ST3GAL4: variants seen among roughly 807,000 people sequenced by gnomAD.
ST3GAL4 encodes CMP-N-acetylneuraminate-beta-galactosamide-alpha-2,3-sialyltransferase 4.
ST3GAL4 carries 24 observed loss-of-function variants against 42.6 expected under a neutral mutation model. The observed-to-expected ratio is 0.56, with a 90% CI of 0.41 to 0.79. The LOEUF (loss-of-function observed/expected upper bound fraction) is 0.79, where lower values mean the gene tolerates loss of function less well. Among genes scored for constraint, ST3GAL4 ranks in the 30% least tolerant of loss-of-function variants. The pLI is 0.00. For missense variants in ST3GAL4, 311 were observed against 430.8 expected (o/e 0.72, Z 2.46); for synonymous variants, 135 against 163.2 (o/e 0.83, Z 1.32).
At chr11:126,395,623 GTGT>G (rs1395124094) in intron 1 of ST3GAL4, among the ~76,000 whole-genome samples, 1 of 152,132 alleles carries the variant, frequency 6.6e-6, no homozygotes, top group African/African-American at 2.4e-5. Flanking sequence ...AATCATGGTG[GTGT>G]TCTCCCCCAA....
chr11:126,375,354 C>T (rs920997664), intron 1 of ST3GAL4, among the ~76,000 whole-genome samples: 3 of 152,134 alleles, frequency 2.0e-5, no homozygotes, highest in Non-Finnish European at 2.9e-5. Context: ...GCGGAGCCTT[C>T]GAAGGACTTG....
intron 1 of ST3GAL4, among the ~76,000 whole-genome samples, chr11:126,399,014 C>T (rs1336621366): frequency 6.6e-6 from 1 of 152,198 alleles, no homozygotes; most frequent in Non-Finnish European, 1.5e-5. Context: ...CACAGGTCAT[C>T]TCTGCAGTAC....
At position 126,391,707 on chromosome 11, in the gene ST3GAL4, G is replaced by A. The variant is rs12225592; in HGVS notation, c.-60-14389G>A. Reference sequence around the variant, plus strand: ...ACCCAGCAGCCAGGAGGAGAGCTGAGTGTGATTGGGGTCGTGGTGGGGCCA... The same window carrying A: ...ACCCAGCAGCCAGGAGGAGAGCTGAATGTGATTGGGGTCGTGGTGGGGCCA... On this transcript the variant is annotated intron_variant, in intron 1 of 10. Transcript: ENST00000444328. The surrounding 1 kb of genome is among the most constrained non-coding windows in gnomAD (Gnocchi z 5.5). Among the ~76,000 whole-genome samples the A allele has an allele frequency of 0.12, 18,374 of 152,168 alleles. 1,616 individuals carry two copies. Among genetic ancestry groups the A allele is most frequent in the East Asian group, 0.45 (2,332 of 5,136 alleles).
rs1345402206 is a variant in ST3GAL4, at chr11:126,383,612, C to T, written c.-60-22484C>T. Among the ~76,000 whole-genome samples, 2 of 152,076 alleles carry T rather than the reference C, an allele frequency of 1.3e-5. No homozygotes were observed. Among genetic ancestry groups the T allele is most frequent in the African/African-American group, 2.4e-5 (1 of 41,392 alleles). ...AGGTGTGTGTGTGTGACCAAGCTTG[C>T]GGGCGCCTGAGTATGGACTAGTGTG... On this transcript the variant is annotated intron_variant, in intron 1 of 10. Transcript: ENST00000444328. This position sits in a 1 kb window ranked among gnomAD's most constrained non-coding sequence, Gnocchi z 4.5.
chr11:126,357,908 G>A (rs1043692491), intron 1 of ST3GAL4, among the ~76,000 whole-genome samples: 3 of 152,244 alleles, frequency 2.0e-5, no homozygotes, highest in Non-Finnish European at 4.4e-5. Flanking sequence ...TTGGAGGGAA[G>A]GGATCCCTCT....
chr11:126,377,235 A>G (rs984839861), intron 1 of ST3GAL4, among the ~76,000 whole-genome samples: 1 of 150,972 alleles, frequency 6.6e-6, no homozygotes, highest in Admixed American at 6.6e-5. Flanking sequence ...TAGTGGCGCA[A>G]TCTCAGCTCA....
In ST3GAL4 at chr11:126,383,821, AG is replaced by A. The variant is rs1953106004; in HGVS notation, c.-60-22272del. On this transcript the variant is annotated intron_variant, in intron 1 of 10. Transcript: ENST00000444328. The surrounding 1 kb of genome is among the most constrained non-coding windows in gnomAD (Gnocchi z 4.5). Reference sequence around the variant, plus strand: ...AGAGCCTGGGCCCTGGACACCTAGAAGGGCCCCTCCTCCCCTCGTCTTCCCT... The same window carrying A: ...AGAGCCTGGGCCCTGGACACCTAGAAGGCCCCTCCTCCCCTCGTCTTCCCT... 6.6e-6 allele frequency among the ~76,000 whole-genome samples: 1 copy of A among 152,144 alleles called. No homozygotes were observed. The highest frequency in any genetic ancestry group is 1.5e-5 in the Non-Finnish European group (1 of 68,008).
In ST3GAL4 at chr11:126,414,077, C is replaced by T. The variant is rs777371763; in HGVS notation, c.*30C>T. The T allele has an allele frequency of 1.2e-6, 2 of 1,610,946 alleles. No homozygotes were observed. The highest frequency in any genetic ancestry group is 1.7e-6 in the Non-Finnish European group (2 of 1,177,082). On this transcript the variant is annotated 3_prime_UTR_variant, in exon 11 of 11. Coordinates refer to ENST00000444328, the MANE Select transcript of ST3GAL4 (RefSeq NM_001254757.2). ...GGCAAGAGCTGTAGCCTGTCGGTTG[C>T]CTACTCTGCTGTCTGGGTGACCCCC...
chr11:126,390,017 C>CAAAAAAACAAAAAAAAAA (rs1953419624), intron 1 of ST3GAL4, among the ~76,000 whole-genome samples: 1 of 114,636 alleles, frequency 8.7e-6, no homozygotes, highest in Non-Finnish European at 1.7e-5. Context: ...GCTAAAAATA[C>CAAAAAAACAAAAAAAAAA]AAAAAAAAAA....
chr11:126,404,753 G>A lies in ST3GAL4; in HGVS notation c.-60-1343G>A, dbSNP rs967496336. Among the ~76,000 whole-genome samples, 6 of 152,238 alleles carry A rather than the reference G, an allele frequency of 3.9e-5. 1 individual carries two copies. The highest frequency in any genetic ancestry group is 1.5e-5 in the Non-Finnish European group (1 of 68,040). On this transcript the variant is annotated intron_variant, in intron 1 of 10. Transcript: ENST00000444328. ...GGGATGGTGCTTCTGACTCTCCTGAGGCAGTCTGACCCTGGTCCCTGCCTG... is the reference window on the plus strand; with the variant it reads ...GGGATGGTGCTTCTGACTCTCCTGAAGCAGTCTGACCCTGGTCCCTGCCTG...
chr11:126,392,574 C>T lies in ST3GAL4; in HGVS notation c.-60-13522C>T, dbSNP rs1953559867. Among the ~76,000 whole-genome samples, 1 of 152,240 alleles carries T rather than the reference C, an allele frequency of 6.6e-6. No individual in the cohort carries two copies. The highest frequency in any genetic ancestry group is 2.4e-5 in the African/African-American group (1 of 41,464). ...CCTGGCTTGTTTTAACTTGATGCAA[C>T]TTGCTGCTCACAGTCATCTTATTGT... On this transcript the variant is annotated intron_variant, in intron 1 of 10. Coordinates refer to ENST00000444328, the MANE Select transcript of ST3GAL4 (RefSeq NM_001254757.2). This position sits in a 1 kb window ranked among gnomAD's most constrained non-coding sequence, Gnocchi z 5.8.
chr11:126,376,448 ATTACAAAATTGCTT>A lies in ST3GAL4; in HGVS notation c.-61+20608_-61+20621del, dbSNP rs1952836125. Among the ~76,000 whole-genome samples, 1 of 152,348 alleles carries A rather than the reference ATTACAAAATTGCTT, an allele frequency of 6.6e-6. No homozygotes were observed. The highest frequency in any genetic ancestry group is 2.4e-5 in the African/African-American group (1 of 41,580). ...AATTTATTTGATTTAATTGGTTGCAATTACAAAATTGCTTTGTTTGGTTTACCTTGTTGGAAGTT... is the reference window on the plus strand; with the variant it reads ...AATTTATTTGATTTAATTGGTTGCAATGTTTGGTTTACCTTGTTGGAAGTT... On this transcript the variant is annotated intron_variant, in intron 1 of 10. Transcript: ENST00000444328. This position sits in a 1 kb window ranked among gnomAD's most constrained non-coding sequence, Gnocchi z 5.1.
rs1953213944 is a variant in ST3GAL4, at chr11:126,386,053, A to G, written c.-60-20043A>G. On this transcript the variant is annotated intron_variant, in intron 1 of 10. Coordinates refer to ENST00000444328, the MANE Select transcript of ST3GAL4 (RefSeq NM_001254757.2). The surrounding 1 kb of genome is among the most constrained non-coding windows in gnomAD (Gnocchi z 4.7). ...TGTGCCTTGCACCCAGCCAGCTCAG[A>G]GTCTTGGGCACTTCTCTCAGTCTGG... Among the ~76,000 whole-genome samples the G allele has an allele frequency of 6.6e-6, 1 of 152,008 alleles. No individual in the cohort carries two copies. The highest frequency in any genetic ancestry group is 1.5e-5 in the Non-Finnish European group (1 of 67,984).
chr11:126,393,824 C>T lies in ST3GAL4; in HGVS notation c.-60-12272C>T, dbSNP rs759086188. Among the ~76,000 whole-genome samples, 8 of 152,164 alleles carry T rather than the reference C, an allele frequency of 5.3e-5. No individual in the cohort carries two copies. Among genetic ancestry groups the T allele is most frequent in the Admixed American group, 6.5e-5 (1 of 15,286 alleles). On this transcript the variant is annotated intron_variant, in intron 1 of 10. Coordinates refer to ENST00000444328, the MANE Select transcript of ST3GAL4 (RefSeq NM_001254757.2). The surrounding 1 kb of genome is among the most constrained non-coding windows in gnomAD (Gnocchi z 5.9). Reference sequence around the variant, plus strand: ...CTTTTAAAACATTTAAATTTAGCCACGGTTTTAAAAAGTAAAAATAGGTGA... The same window carrying T: ...CTTTTAAAACATTTAAATTTAGCCATGGTTTTAAAAAGTAAAAATAGGTGA...
chr11:126,387,673 CAAA>C (rs1015589992), intron 1 of ST3GAL4, among the ~76,000 whole-genome samples: 2 of 116,098 alleles, frequency 1.7e-5, no homozygotes, highest in Non-Finnish European at 1.9e-5. Flanking sequence ...GACTCTGTCT[CAAA>C]AAAAAAAAAA....
At chr11:126,364,047 C>T (rs1952344392) in intron 1 of ST3GAL4, among the ~76,000 whole-genome samples, 1 of 152,272 alleles carries the variant, frequency 6.6e-6, no homozygotes, top group Non-Finnish European at 1.5e-5. Flanking sequence ...CCTGGCGGCC[C>T]TGGGGCAAGT....
chr11:126,385,334 A>C (rs535516962), intron 1 of ST3GAL4, among the ~76,000 whole-genome samples: 1 of 151,676 alleles, frequency 6.6e-6, no homozygotes, highest in African/African-American at 2.4e-5. Context: ...TTTTATTTTT[A>C]GTAGAGACAG....
chr11:126,380,822 C>T (rs539280257), intron 1 of ST3GAL4, among the ~76,000 whole-genome samples: 1 of 152,338 alleles, frequency 6.6e-6, no homozygotes, highest in African/African-American at 2.4e-5. Context: ...CCACCCTCTT[C>T]TCTCCAGAGC....
intron 9 of ST3GAL4, among the ~76,000 whole-genome samples, chr11:126,412,753 G>T (rs928951373): frequency 6.6e-6 from 1 of 152,202 alleles, no homozygotes; most frequent in African/African-American, 2.4e-5. Context: ...TTCTGAATGA[G>T]GTCAGGTTCT....
Sources: allele counts gnomAD v4.1 joint callset (sites outside exome capture counted in the v4.1 genomes callset), GRCh38; gene constraint gnomAD v4.1.1; non-coding constraint Gnocchi (gnomAD v3.1); transcripts MANE v1.5; gene names NCBI Gene and HGNC (gene_info 2026-07-23, HGNC 2026-07-21).